The following SLIT3 variants were observed in gnomAD, a reference collection of about 807,000 sequenced individuals.
The protein encoded by SLIT3 is slit guidance ligand 3.
Under a neutral mutation model 184.0 loss-of-function variants are expected in SLIT3, and 68 were observed. That is an observed-to-expected ratio of 0.37 (90% CI 0.30 to 0.45). The LOEUF (loss-of-function observed/expected upper bound fraction) is 0.45. SLIT3 is among the 20% of genes least tolerant of loss of function. The pLI, the probability that SLIT3 is intolerant of heterozygous loss-of-function variation, is 1.00. For missense variants in SLIT3, 1,707 were observed against 2,026.0 expected (o/e 0.84, Z 3.02); for synonymous variants, 831 against 828.6 (o/e 1.00, Z -0.05).
At chr5:169,285,678 T>C (rs1767131452) in intron 1 of SLIT3, among the ~76,000 whole-genome samples, 1 of 152,208 alleles carries the variant, frequency 6.6e-6, no homozygotes, top group Admixed American at 6.5e-5. Context: ...TGTGAGAAGT[T>C]AGACTACTCA....
At chr5:169,043,880 T>A (rs1757532210) in intron 4 of SLIT3, among the ~76,000 whole-genome samples, 3 of 152,296 alleles carry the variant, frequency 2.0e-5, no homozygotes, top group South Asian at 4.2e-4. Flanking sequence ...AGCTCAAGAT[T>A]GGGATGATGC....
chr5:168,974,075 T>C (rs79710985), intron 4 of SLIT3, among the ~76,000 whole-genome samples: 2,580 of 152,298 alleles, frequency 0.017, 74 homozygotes, highest in African/African-American at 0.058. Flanking sequence ...TCTCTCTCTC[T>C]CCACCTACCT....
chr5:169,189,374 T>C (rs148341372), intron 4 of SLIT3, among the ~76,000 whole-genome samples: 3 of 151,856 alleles, frequency 2.0e-5, no homozygotes, highest in Non-Finnish European at 4.4e-5. Context: ...GAGTCCCAGT[T>C]CCATTGCATC....
chr5:168,807,615 G>A (rs1757014663), intron 8 of SLIT3, among the ~76,000 whole-genome samples: 1 of 152,110 alleles, frequency 6.6e-6, no homozygotes, highest in South Asian at 2.1e-4. Flanking sequence ...GTCCTCTCAG[G>A]GAAAAGAGCC....
At chr5:168,917,530 A>C (rs1158093422) in intron 4 of SLIT3, among the ~76,000 whole-genome samples, 1 of 152,196 alleles carries the variant, frequency 6.6e-6, no homozygotes, top group African/African-American at 2.4e-5. Context: ...ATCTTGATGC[A>C]GATAGTAATA....
rs1762347442 is a variant in SLIT3, at chr5:168,941,962, A to G, written c.414-58626T>C. ...GGGTCTGGGACATAGCAAGCAGCCA[A>G]TTGAGAGGCTGTCACCTTTCCTCCA... On this transcript the variant is annotated intron_variant, in intron 4 of 35. Transcript: ENST00000519560. Among the ~76,000 whole-genome samples, 3 of 152,182 alleles carry G rather than the reference A, an allele frequency of 2.0e-5. No homozygotes were observed. In the South Asian group the frequency reaches 6.2e-4, roughly 32 times the overall value.
chr5:168,915,108 G>T (rs1004648772), intron 4 of SLIT3, among the ~76,000 whole-genome samples: 2 of 152,134 alleles, frequency 1.3e-5, no homozygotes, highest in Non-Finnish European at 2.9e-5. Flanking sequence ...TTAAAAGGGG[G>T]AGAATTCAGC....
At chr5:168,768,323 C>A in intron 14 of SLIT3, 1 of 465,938 alleles carries the variant, frequency 2.1e-6, no homozygotes, top group South Asian at 1.5e-5. Context: ...CGTGGAGAAG[C>A]GGAAGCCGGA....
intron 1 of SLIT3, chr5:169,263,732 T>C (rs777607476): frequency 1.4e-5 from 7 of 506,498 alleles, no homozygotes; most frequent in South Asian, 1.0e-4. Flanking sequence ...CTCCATCTCG[T>C]GCTGGCTTCT....
At chr5:169,214,710 G>C (rs566410001) in intron 3 of SLIT3, among the ~76,000 whole-genome samples, 1 of 152,162 alleles carries the variant, frequency 6.6e-6, no homozygotes, top group Non-Finnish European at 1.5e-5. Context: ...TGAATCCAAC[G>C]TGACATCTCC....
At chr5:168,760,584 G>A (rs112261748) in intron 16 of SLIT3, among the ~76,000 whole-genome samples, 73 of 152,314 alleles carry the variant, frequency 4.8e-4, no homozygotes, top group African/African-American at 1.7e-3. Context: ...GGTGTTGGAT[G>A]GCGTGTAGGG....
intron 3 of SLIT3, among the ~76,000 whole-genome samples, chr5:169,225,907 G>C (rs1764791377): frequency 6.6e-6 from 1 of 152,204 alleles, no homozygotes; most frequent in South Asian, 2.1e-4. Context: ...GCTCACTCTG[G>C]CTGCTCTAGT....
At chr5:169,256,740 C>CT (rs1765973564) in intron 1 of SLIT3, among the ~76,000 whole-genome samples, 1 of 152,116 alleles carries the variant, frequency 6.6e-6, no homozygotes, top group Admixed American at 6.5e-5. Flanking sequence ...TTTGTGCCAC[C>CT]TCTGAGAACC....
intron 4 of SLIT3, among the ~76,000 whole-genome samples, chr5:169,014,560 T>A (rs549335061): frequency 6.6e-6 from 1 of 152,304 alleles, no homozygotes; most frequent in Admixed American, 6.5e-5. Flanking sequence ...CCTTCGCTCC[T>A]CTGAGCTGGA....
At chr5:168,878,615 T>A (rs1267567327) in intron 5 of SLIT3, among the ~76,000 whole-genome samples, 4 of 152,232 alleles carry the variant, frequency 2.6e-5, no homozygotes, top group African/African-American at 9.6e-5. Context: ...GTAGCTTAGT[T>A]GCAGAGGCCT....
intron 4 of SLIT3, among the ~76,000 whole-genome samples, chr5:169,163,863 C>G (rs564734936): frequency 1.3e-5 from 2 of 152,316 alleles, no homozygotes; most frequent in South Asian, 4.1e-4. Flanking sequence ...TTCTATAAAA[C>G]TCACCAAGGC....
intron 4 of SLIT3, among the ~76,000 whole-genome samples, chr5:169,052,131 A>G (rs773326519): frequency 1.3e-5 from 2 of 151,420 alleles, no homozygotes; most frequent in Non-Finnish European, 2.9e-5. Flanking sequence ...AAAACTTGAA[A>G]GGGAGCTCAT....
At chr5:168,830,362 G>C (rs1757840385) in intron 6 of SLIT3, among the ~76,000 whole-genome samples, 1 of 152,094 alleles carries the variant, frequency 6.6e-6, no homozygotes. Flanking sequence ...TCATCCAGCT[G>C]TACACTGCTC....
At chr5:169,186,199 C>T (rs1333192120) in intron 4 of SLIT3, among the ~76,000 whole-genome samples, 4 of 152,040 alleles carry the variant, frequency 2.6e-5, no homozygotes, top group African/African-American at 9.7e-5. Context: ...GTTAAAGTGG[C>T]TATCAGGTTA....
Sources: gnomAD v4.1 joint callset for allele counts (sites outside exome capture counted in the v4.1 genomes callset) on GRCh38, gnomAD v4.1.1 for gene constraint, MANE v1.5 for transcripts, NCBI Gene and HGNC (gene_info 2026-07-23, HGNC 2026-07-21) for gene names.